The following GP6 variants were observed in gnomAD, a reference collection of about 807,000 sequenced individuals.
GP6 encodes glycoprotein VI platelet, also known as platelet glycoprotein VI.
Under a neutral mutation model 37.3 loss-of-function variants are expected in GP6, and 45 were observed. The ratio of observed to expected loss-of-function variants is 1.21; its 90% CI spans 0.95 to 1.55. The LOEUF (loss-of-function observed/expected upper bound fraction) is 1.55. Ranked by LOEUF, GP6 falls within the 40% of genes most tolerant of loss-of-function variation. GP6 has a pLI of 0.00. For synonymous variants in GP6, 340 were observed against 316.4 expected, an observed-to-expected ratio of 1.07 and a Z score of -0.79; for missense variants, 813 against 760.2, an observed-to-expected ratio of 1.07 and a Z score of -0.82.
chr19:55,014,634 G>C lies in GP6; in HGVS notation c.1311C>G (p.Thr437=), dbSNP rs2073782290. The C allele has an allele frequency of 6.2e-7, 1 of 1,614,086 alleles. No individual in the cohort carries two copies. Among genetic ancestry groups the C allele is most frequent in the East Asian group, 2.2e-5 (1 of 44,878 alleles). Residue 437 remains threonine, a synonymous_variant, in exon 8 of 8, where the codon ACC becomes ACG. Transcript: ENST00000310373. Reference sequence around the variant, plus strand: ...AGGTTGAAGAAAGAGGCCAGTATGTGGTCCAGCCAGGGTACCATGTCATCC... The same window carrying C: ...AGGTTGAAGAAAGAGGCCAGTATGTCGTCCAGCCAGGGTACCATGTCATCC...
intron 5 of GP6, among the ~76,000 whole-genome samples, chr19:55,021,433 A>G (rs1352398336): frequency 6.6e-6 from 1 of 151,628 alleles, no homozygotes; most frequent in Non-Finnish European, 1.5e-5. Flanking sequence ...GTCTTCCACA[A>G]TGAACTAATT....
intron 1 of GP6, among the ~76,000 whole-genome samples, chr19:55,036,993 C>T (rs1225754481): frequency 3.3e-5 from 5 of 151,936 alleles, no homozygotes; most frequent in African/African-American, 9.7e-5. Context: ...CCTGAGCGAC[C>T]GACTGAGCGA....
At chr19:55,023,121 T>C (rs1298662031) in intron 5 of GP6, among the ~76,000 whole-genome samples, 1 of 152,190 alleles carries the variant, frequency 6.6e-6, no homozygotes, top group Non-Finnish European at 1.5e-5. Context: ...AAGGTGATAG[T>C]AACCAAAACA....
intron 3 of GP6, 39 bp from the exon 4 acceptor site, chr19:55,027,901 C>G: frequency 6.2e-7 from 1 of 1,605,982 alleles, no homozygotes; most frequent in South Asian, 1.1e-5. Context: ...AGGCAGGAGC[C>G]AGCATCTCAG....
In GP6 at chr19:55,029,244, ATTTGTTTTGT is replaced by A. The variant is rs143221654; in HGVS notation, c.326-1392_326-1383del. Among the ~76,000 whole-genome samples the A allele has an allele frequency of 7.1e-3, 936 of 131,034 alleles. 25 individuals are homozygous for A. Among genetic ancestry groups the A allele is most frequent in the African/African-American group, 0.024 (769 of 32,380 alleles). The allele number at this position is 131,034 out of a possible 152,430, so 86.0% of individuals were successfully genotyped here. Reference sequence around the variant, plus strand: ...GTCTGTATTCTTTTTTTGTTGTTTCATTTGTTTTGTTTTGTTTTGTTTTGTTTTGAGACGG... The same window carrying A: ...GTCTGTATTCTTTTTTTGTTGTTTCATTTGTTTTGTTTTGTTTTGAGACGG... On this transcript the variant is annotated intron_variant, in intron 3 of 7. Coordinates refer to ENST00000310373, the MANE Select transcript of GP6 (RefSeq NM_001083899.2).
rs767523302 is a variant in GP6 at position 55,032,393 on chromosome 19, G to A, written c.71C>T (p.Pro24Leu). The change falls in exon 3 of 8, where the codon CCG becomes CTG. Residue 24 changes from proline (P) to leucine (L), a missense_variant. By Grantham distance (98) the Pro-to-Leu change is moderately conservative. Coordinates refer to ENST00000310373, the MANE Select transcript of GP6 (RefSeq NM_001083899.2). ...AGCCTGGAGGGAGGGCTTGGGGAGC[G>A]GTCCTGGAAGAGGAGCAGGGCTGGG... 3.2e-5 allele frequency: 52 copies of A among 1,612,554 alleles called. 1 individual carries two copies. The Middle Eastern group carries it at 6.6e-4, about 20-fold the overall frequency.
At chr19:55,034,276 G>A (rs1602637676) in intron 1 of GP6, among the ~76,000 whole-genome samples, 1 of 151,980 alleles carries the variant, frequency 6.6e-6, no homozygotes, top group Admixed American at 6.6e-5. Flanking sequence ...TGCACCACTG[G>A]CCGGGCACGG....
At chr19:55,038,172 G>C (rs747144726) in intron 1 of GP6, 31 bp downstream of exon 1, 5 of 1,551,724 alleles carry the variant, frequency 3.2e-6, no homozygotes, top group Non-Finnish European at 4.4e-6. Flanking sequence ...CTGTCCTTCA[G>C]CATTTCCCAG....
chr19:55,031,444 C>G (rs903887696), intron 3 of GP6, among the ~76,000 whole-genome samples: 7 of 151,990 alleles, frequency 4.6e-5, no homozygotes, highest in Admixed American at 1.3e-4. Flanking sequence ...AAGACCCCAT[C>G]GCTAATTTTT....
rs138796044 is a variant in GP6 at position 55,014,071 on chromosome 19, A to C, written c.*11T>G. 1,787 of 629,204 alleles carry C rather than the reference A, an allele frequency of 2.8e-3. 25 individuals carry two copies. The highest frequency in any genetic ancestry group is 0.021 in the African/African-American group (1,177 of 55,878). The allele number at this position is 629,204 out of a possible 1,614,324, so 39.0% of individuals were successfully genotyped here. On this transcript the variant is annotated 3_prime_UTR_variant, in exon 8 of 8. Transcript: ENST00000310373. The stretch of plus-strand genomic sequence containing the variant: ...AGCAATATTGCAGTACATGTATACA[A>C]CGTGCTATGATCAAATCAGGGTAAT...
chr19:55,026,628 C>T lies in GP6; in HGVS notation c.610+950G>A, dbSNP rs141644977. ...TAGTCAAGTCCGACGCGGTGGCTCA[C>T]GCCTGTAATCCCAGCACTTTGGGAG... is the stretch of plus-strand genomic sequence containing the variant. On this transcript the variant is annotated intron_variant, in intron 4 of 7. Transcript: ENST00000310373. 7.9e-3 allele frequency among the ~76,000 whole-genome samples: 1,206 copies of T among 152,250 alleles called. 13 individuals carry two copies. Among genetic ancestry groups the T allele is most frequent in the African/African-American group, 0.027 (1,138 of 41,540 alleles).
chr19:55,027,726 G>A lies in GP6; in HGVS notation c.462C>T (p.Tyr154=), dbSNP rs746798268. ...CCCTGTACCATCTCTCGGGATTCTT[G>A]TAGGGCGCAGGGTCCCCTTCCTTGT... is the stretch of plus-strand genomic sequence containing the variant. Residue 154 remains tyrosine (Y), a synonymous_variant, in exon 4 of 8, where the codon TAC becomes TAT. Transcript: ENST00000310373. The A allele has an allele frequency of 7.4e-6, 12 of 1,613,766 alleles. No individual in the cohort carries two copies. The highest frequency in any genetic ancestry group is 8.5e-6 in the Non-Finnish European group (10 of 1,179,734).
At chr19:55,029,749 TAGTG>T (rs746118563) in intron 3 of GP6, among the ~76,000 whole-genome samples, 13 of 149,096 alleles carry the variant, frequency 8.7e-5, no homozygotes, top group Non-Finnish European at 1.3e-4. Flanking sequence ...ACATACCAGA[TAGTG>T]AGGAGGGCCA....
rs1313174521 is a variant in GP6, at chr19:55,014,477, A to T, written c.1468T>A (p.Ser490Thr). 1.9e-6 allele frequency: 3 copies of T among 1,613,924 alleles called. No homozygotes were observed. The African/African-American group carries it at 4.0e-5, about 22-fold the overall frequency. ...CAGTGGGAGATGGAGTGAGGGTGAG[A>T]GTTTCTGGGGAAAACCAGACAAGAG... The change falls in exon 8 of 8, where the codon TCT becomes ACT. Residue 490 changes from serine to threonine, a missense_variant. Physicochemically the swap from Ser to Thr is moderately conservative, Grantham distance 58. Coordinates refer to ENST00000310373, the MANE Select transcript of GP6 (RefSeq NM_001083899.2).
At chr19:55,018,076 A>AAAAAAT (rs58212782) in intron 6 of GP6, among the ~76,000 whole-genome samples, 116,504 of 151,324 alleles carry the variant, frequency 0.77, 45,577 homozygotes, top group Middle Eastern at 0.84. Flanking sequence ...TCAAAAAAAT[A>AAAAAAT]AAAAATAGAA....
At chr19:55,029,096 GAA>G (rs1246797018) in intron 3 of GP6, among the ~76,000 whole-genome samples, 5 of 113,694 alleles carry the variant, frequency 4.4e-5, no homozygotes, top group Non-Finnish European at 9.3e-5. Flanking sequence ...GAAAAAGAAA[GAA>G]AGAGGAAGGA....
At chr19:55,030,538 T>C (rs2074520729) in intron 3 of GP6, among the ~76,000 whole-genome samples, 1 of 151,964 alleles carries the variant, frequency 6.6e-6, no homozygotes, top group African/African-American at 2.4e-5. Context: ...AGACGGGGTT[T>C]CACCATGTTG....
intron 1 of GP6, among the ~76,000 whole-genome samples, chr19:55,034,108 ACATACACACGTGTATATG>A (rs2074721284): frequency 6.8e-6 from 1 of 146,142 alleles, no homozygotes; most frequent in African/African-American, 2.6e-5. Flanking sequence ...ACACGTGTGT[ACATACACACGTGTATATG>A]TATGTATATG....
chr19:55,013,938 C>T lies in GP6; in HGVS notation c.*144G>A, dbSNP rs2073739580. ...ATATAGAACTTTACCTTGAGAAGAC[C>T]TAACATTTCCTTCAGAAAGTAAATA... On this transcript the variant is annotated 3_prime_UTR_variant, in exon 8 of 8. Transcript: ENST00000310373. 1 of 398,904 alleles carries T rather than the reference C, an allele frequency of 2.5e-6. No individual in the cohort carries two copies. The highest frequency in any genetic ancestry group is 1.9e-5 in the South Asian group (1 of 54,028). 24.7% of individuals were successfully genotyped at this position (398,904 alleles called of 1,614,324 possible). A position where few individuals can be genotyped will look rare whatever the true frequency, so the allele number is the denominator to read the frequency against.
Sources: allele counts gnomAD v4.1 joint callset (sites outside exome capture counted in the v4.1 genomes callset), GRCh38; gene constraint gnomAD v4.1.1; transcripts MANE v1.5; gene names NCBI Gene and HGNC (gene_info 2026-07-23, HGNC 2026-07-21).